Variants in FHOD3 observed in about 807,000 individuals in gnomAD.
The protein encoded by FHOD3 is FH1/FH2 domain-containing protein 3.
A neutral mutation model predicts 173.0 loss-of-function variants in FHOD3; 90 were observed. The observed-to-expected ratio is 0.52, with a 90% CI of 0.44 to 0.62. The LOEUF (loss-of-function observed/expected upper bound fraction) is 0.62, where lower values mean the gene tolerates loss of function less well. Ranked by LOEUF, FHOD3 falls within the 20% of genes least tolerant of loss-of-function variation. The pLI is 0.00. For synonymous variants in FHOD3, 828 were observed against 823.0 expected (o/e 1.01, Z -0.10); for missense variants, 1,945 against 2,034.7 (o/e 0.96, Z 0.85).
chr18:36,628,530 A>G (rs1489611361), intron 10 of FHOD3, among the ~76,000 whole-genome samples: 1 of 152,256 alleles, frequency 6.6e-6, no homozygotes, highest in Non-Finnish European at 1.5e-5. Context: ...AAGACTAATA[A>G]GAGCTTGAAC....
At chr18:36,465,693 T>G (rs1415014254) in intron 3 of FHOD3, among the ~76,000 whole-genome samples, 1 of 152,152 alleles carries the variant, frequency 6.6e-6, no homozygotes, top group Non-Finnish European at 1.5e-5. Context: ...AAGTAGGTTT[T>G]CTTTCAAGGA....
At chr18:36,423,334 G>A (rs999139760) in intron 3 of FHOD3, among the ~76,000 whole-genome samples, 6 of 152,124 alleles carry the variant, frequency 3.9e-5, no homozygotes, top group African/African-American at 1.2e-4. Context: ...GTGTGGAAAA[G>A]GAGGTTGGAA....
intron 3 of FHOD3, among the ~76,000 whole-genome samples, chr18:36,453,094 C>A (rs1314176477): frequency 1.3e-5 from 2 of 151,908 alleles, no homozygotes; most frequent in African/African-American, 4.8e-5. Flanking sequence ...CTCAAAAAAT[C>A]AAAAATACAG....
intron 3 of FHOD3, among the ~76,000 whole-genome samples, chr18:36,466,528 A>G (rs575357898): frequency 6.6e-6 from 1 of 152,300 alleles, no homozygotes; most frequent in South Asian, 2.1e-4. Context: ...TGGGCTTTTA[A>G]ATGGGGGGAA....
At chr18:36,595,653 C>T (rs1348969732) in intron 7 of FHOD3, among the ~76,000 whole-genome samples, 1 of 152,232 alleles carries the variant, frequency 6.6e-6, no homozygotes, top group Non-Finnish European at 1.5e-5. Context: ...CCCAGCACTC[C>T]AGCTGGCCCA....
At chr18:36,605,360 A>G (rs1237896403) in intron 8 of FHOD3, among the ~76,000 whole-genome samples, 2 of 152,196 alleles carry the variant, frequency 1.3e-5, no homozygotes. Flanking sequence ...TTTGTTGCTA[A>G]TCACTGGCAG....
chr18:36,695,229 G>T (rs537211205), intron 17 of FHOD3, among the ~76,000 whole-genome samples: 1 of 151,952 alleles, frequency 6.6e-6, no homozygotes, highest in South Asian at 2.1e-4. Flanking sequence ...GCGCATGCCT[G>T]TAATCTCAGC....
intron 5 of FHOD3, among the ~76,000 whole-genome samples, chr18:36,567,611 G>T (rs881581): frequency 0.07 from 10,627 of 152,258 alleles, 485 homozygotes; most frequent in South Asian, 0.2. Flanking sequence ...AGAGTAAATG[G>T]TAGGAGGCAG....
chr18:36,730,287 G>T (rs142216638), intron 19 of FHOD3, among the ~76,000 whole-genome samples: 3 of 152,122 alleles, frequency 2.0e-5, no homozygotes, highest in African/African-American at 7.2e-5. Flanking sequence ...CAAGACATTC[G>T]GACACCTCAA....
chr18:36,678,572 A>G (rs973328496), intron 14 of FHOD3, among the ~76,000 whole-genome samples: 8 of 150,982 alleles, frequency 5.3e-5, no homozygotes, highest in Admixed American at 1.3e-4. Flanking sequence ...AAGAAAGAAA[A>G]AAAGATACTT....
chr18:36,472,069 C>G (rs2053316140), intron 3 of FHOD3, among the ~76,000 whole-genome samples: 1 of 151,982 alleles, frequency 6.6e-6, no homozygotes, highest in African/African-American at 2.4e-5. Context: ...AGTCTCTAAC[C>G]AAAACTGAAA....
intron 18 of FHOD3, among the ~76,000 whole-genome samples, chr18:36,712,472 A>C (rs35457171): frequency 0.52 from 79,273 of 151,646 alleles, 20,918 homozygotes; most frequent in South Asian, 0.57. Flanking sequence ...TAACAACAAA[A>C]AAAAAAAATA....
intron 3 of FHOD3, among the ~76,000 whole-genome samples, chr18:36,435,792 C>A (rs1358180475): frequency 6.6e-6 from 1 of 152,148 alleles, no homozygotes; most frequent in African/African-American, 2.4e-5. Context: ...TGGAAGAAGT[C>A]TTTTCAGCGT....
chr18:36,767,109 G>C (rs1028806309), intron 27 of FHOD3, among the ~76,000 whole-genome samples: 4 of 152,058 alleles, frequency 2.6e-5, no homozygotes, highest in African/African-American at 9.7e-5. Flanking sequence ...AGAATGCAGA[G>C]ACTTTCAGCA....
chr18:36,587,001 C>T lies in FHOD3; in HGVS notation c.607-7786C>T, dbSNP rs534120760. 7.2e-5 allele frequency among the ~76,000 whole-genome samples: 11 copies of T among 152,126 alleles called. No homozygotes were observed. The South Asian group carries it at 1.0e-3, about 14-fold the overall frequency. On this transcript the variant is annotated intron_variant, in intron 6 of 28. Transcript: ENST00000590592. Reference sequence around the variant, plus strand: ...AGCACCAAGCAGTACAGGCTTTATTCGATGGCCATGGAATTGAGAAGTGGA... The same window carrying T: ...AGCACCAAGCAGTACAGGCTTTATTTGATGGCCATGGAATTGAGAAGTGGA...
intron 3 of FHOD3, among the ~76,000 whole-genome samples, chr18:36,391,375 C>A (rs1444289904): frequency 6.6e-6 from 1 of 152,170 alleles, no homozygotes; most frequent in Non-Finnish European, 1.5e-5. Flanking sequence ...GGGGTGCTTG[C>A]AGGTGCCTGG....
intron 3 of FHOD3, among the ~76,000 whole-genome samples, chr18:36,399,848 TACAC>T (rs1479957867): frequency 3.9e-5 from 6 of 152,128 alleles, no homozygotes; most frequent in African/African-American, 1.4e-4. Context: ...ACCAAGTGAG[TACAC>T]AGTTAGAGGA....
intron 1 of FHOD3, among the ~76,000 whole-genome samples, chr18:36,304,991 A>C (rs2092053641): frequency 6.6e-6 from 1 of 152,204 alleles, no homozygotes; most frequent in African/African-American, 2.4e-5. Context: ...AGTGAATGGC[A>C]GTGATGCTTT....
At chr18:36,333,528 G>A (rs1007947688) in intron 1 of FHOD3, among the ~76,000 whole-genome samples, 3 of 152,342 alleles carry the variant, frequency 2.0e-5, no homozygotes, top group East Asian at 1.9e-4. Flanking sequence ...AGGATCTAAC[G>A]TGAGCTGTCA....
Sources: gnomAD v4.1 joint callset for allele counts (sites outside exome capture counted in the v4.1 genomes callset) on GRCh38, gnomAD v4.1.1 for gene constraint, MANE v1.5 for transcripts, NCBI Gene and HGNC (gene_info 2026-07-23, HGNC 2026-07-21) for gene names.